Variants in DGKI observed in about 807,000 individuals in gnomAD.
The protein encoded by DGKI is diacylglycerol kinase iota.
DGKI carries 55 observed loss-of-function variants against 147.5 expected under a neutral mutation model. The ratio of observed to expected loss-of-function variants is 0.37; its 90% confidence interval spans 0.30 to 0.47. The LOEUF (loss-of-function observed/expected upper bound fraction) is 0.47. DGKI is among the 20% of genes least tolerant of loss of function. DGKI has a pLI of 1.00. For missense variants in DGKI, 1,007 were observed against 1,323.8 expected, an observed-to-expected ratio of 0.76 and a Z score of 3.71; for synonymous variants, 469 against 477.1, an observed-to-expected ratio of 0.98 and a Z score of 0.22.
At chr7:137,530,013 A>G (rs1817286046) in intron 20 of DGKI, among the ~76,000 whole-genome samples, 1 of 152,164 alleles carries the variant, frequency 6.6e-6, no homozygotes, top group Non-Finnish European at 1.5e-5. Flanking sequence ...TGGCCTCCCA[A>G]AGTGCTGGGA....
intron 14 of DGKI, 104 bp from the exon 15 acceptor site, chr7:137,582,032 G>C (rs1819214793): frequency 2.5e-6 from 2 of 798,248 alleles, no homozygotes; most frequent in Non-Finnish European, 4.1e-6. Flanking sequence ...GTCCCTAGGA[G>C]ACAGATCAGC....
intron 26 of DGKI, among the ~76,000 whole-genome samples, chr7:137,465,542 C>T (rs945539774): frequency 3.9e-5 from 6 of 152,182 alleles, no homozygotes; most frequent in Non-Finnish European, 5.9e-5. Flanking sequence ...ATGTCTCCAG[C>T]AGCCTGGAAA....
chr7:137,479,469 T>G (rs1245737826), intron 23 of DGKI, among the ~76,000 whole-genome samples: 1 of 152,136 alleles, frequency 6.6e-6, no homozygotes, highest in South Asian at 2.1e-4. Flanking sequence ...TATATAAAAT[T>G]GATGAGAAAA....
intron 3 of DGKI, among the ~76,000 whole-genome samples, chr7:137,670,911 G>C (rs577793909): frequency 6.6e-6 from 1 of 152,186 alleles, no homozygotes; most frequent in Non-Finnish European, 1.5e-5. Flanking sequence ...GTCCAATGCT[G>C]GTGCTCCATG....
At chr7:137,465,787 A>T in intron 26 of DGKI, 121 bp downstream of exon 26, 1 of 1,351,024 alleles carries the variant, frequency 7.4e-7, no homozygotes, top group Non-Finnish European at 9.9e-7. Context: ...AAGGAAACAC[A>T]ACAAGAAAAT....
chr7:137,583,810 A>T (rs1001195073), intron 14 of DGKI, among the ~76,000 whole-genome samples: 21 of 151,820 alleles, frequency 1.4e-4, no homozygotes, highest in Admixed American at 2.6e-4. Context: ...CAAACACATT[A>T]AAAAAAAGCT....
At chr7:137,436,568 T>C (rs1316980251) in intron 28 of DGKI, among the ~76,000 whole-genome samples, 1 of 152,156 alleles carries the variant, frequency 6.6e-6, no homozygotes, top group Non-Finnish European at 1.5e-5. Context: ...ATGAAAATAA[T>C]AGTAGTATAT....
At chr7:137,512,045 A>G (rs975473571) in intron 21 of DGKI, among the ~76,000 whole-genome samples, 3 of 152,146 alleles carry the variant, frequency 2.0e-5, no homozygotes, top group African/African-American at 7.2e-5. Context: ...GTCTTGGGAA[A>G]TCCTCAATAA....
intron 28 of DGKI, among the ~76,000 whole-genome samples, chr7:137,418,043 T>C (rs958241128): frequency 9.2e-5 from 14 of 152,172 alleles, no homozygotes; most frequent in Non-Finnish European, 1.6e-4. Flanking sequence ...CAGGCCCCGT[T>C]TGAGGCAGTA....
At chr7:137,812,705 ATT>A (rs1797626570) in intron 1 of DGKI, among the ~76,000 whole-genome samples, 2 of 152,328 alleles carry the variant, frequency 1.3e-5, no homozygotes, top group South Asian at 4.1e-4. Flanking sequence ...AAAGAAGGAT[ATT>A]GAGGCCAAGA....
chr7:137,809,346 G>A (rs1047832150), intron 1 of DGKI, among the ~76,000 whole-genome samples: 1 of 152,162 alleles, frequency 6.6e-6, no homozygotes, highest in Non-Finnish European at 1.5e-5. Flanking sequence ...GTAATCAACA[G>A]ATTTGAAAGC....
At position 137,444,096 on chromosome 7, in the gene DGKI, T is replaced by C; in HGVS notation, c.2742A>G (p.Pro914=). 1.3e-6 allele frequency: 2 copies of C among 1,527,172 alleles called. No individual in the cohort carries two copies. The highest frequency in any genetic ancestry group is 2.0e-5 in the Admixed American group (1 of 48,828). 94.6% of individuals were successfully genotyped at this position (1,527,172 alleles called of 1,614,324 possible). A position where few individuals can be genotyped will look rare whatever the true frequency, so the allele number is the denominator to read the frequency against. The change falls in exon 28 of 33, where the codon CCA becomes CCG. Residue 914 remains proline, a synonymous_variant. Transcript: ENST00000614521. ...TCTTACCATGATCTTCTGAAGAGAC[T>C]GGTGACCTAAAAGGAAATAATAAGC... ...DLSHSRVLQS[P]VSSEDHAILQ... is the part of the protein sequence containing the mutation.
At chr7:137,740,542 G>C (rs993105554) in intron 1 of DGKI, among the ~76,000 whole-genome samples, 2 of 152,258 alleles carry the variant, frequency 1.3e-5, no homozygotes, top group Non-Finnish European at 2.9e-5. Context: ...TTCAAAACCA[G>C]AGAATCAGAG....
chr7:137,597,281 T>A (rs1819829058), intron 12 of DGKI, among the ~76,000 whole-genome samples: 1 of 152,144 alleles, frequency 6.6e-6, no homozygotes. Flanking sequence ...GCCTAGGTAA[T>A]GGATACCTCC....
chr7:137,720,403 G>A (rs912500597), intron 1 of DGKI, among the ~76,000 whole-genome samples: 5 of 151,896 alleles, frequency 3.3e-5, no homozygotes, highest in African/African-American at 7.2e-5. Context: ...GACCACAGGC[G>A]CCTGCCATCG....
At chr7:137,445,409 T>C (rs1224788523) in intron 27 of DGKI, among the ~76,000 whole-genome samples, 3 of 152,232 alleles carry the variant, frequency 2.0e-5, no homozygotes, top group East Asian at 1.9e-4. Flanking sequence ...GAGATGGACA[T>C]GGGGGTGGTG....
intron 20 of DGKI, among the ~76,000 whole-genome samples, chr7:137,533,652 T>C (rs375054648): frequency 6.6e-6 from 1 of 152,160 alleles, no homozygotes; most frequent in Non-Finnish European, 1.5e-5. Flanking sequence ...TTAGAGGACA[T>C]AGCCACCTTT....
At chr7:137,718,681 G>A (rs1794457150) in intron 1 of DGKI, among the ~76,000 whole-genome samples, 1 of 152,130 alleles carries the variant, frequency 6.6e-6, no homozygotes, top group Non-Finnish European at 1.5e-5. Context: ...CAGTTCTGAG[G>A]GACTTGTCAT....
At chr7:137,833,310 G>C (rs1307010123) in intron 1 of DGKI, among the ~76,000 whole-genome samples, 2 of 152,138 alleles carry the variant, frequency 1.3e-5, no homozygotes, top group Non-Finnish European at 2.9e-5. Context: ...AGTTCCCCAT[G>C]GCTGGGGAGA....
Sources: gnomAD v4.1 joint callset for allele counts (sites outside exome capture counted in the v4.1 genomes callset) on GRCh38, gnomAD v4.1.1 for gene constraint, MANE v1.5 for transcripts, NCBI Gene and HGNC (gene_info 2026-07-23, HGNC 2026-07-21) for gene names.